SSTR1: variants seen among roughly 807,000 people sequenced by gnomAD.
SSTR1 encodes somatostatin receptor type 1.
In SSTR1, 10 loss-of-function variants were observed where a neutral mutation model predicts 20.7. That is an observed-to-expected ratio of 0.48 (90% CI 0.30 to 0.82). The LOEUF (loss-of-function observed/expected upper bound fraction) is 0.82, where lower values mean the gene tolerates loss of function less well. Among genes scored for constraint, SSTR1 ranks in the 40% least tolerant of loss-of-function variants. The pLI is 0.07. For synonymous variants in SSTR1, 267 were observed against 227.8 expected (o/e 1.17, Z -1.55); for missense variants, 494 against 540.0 (o/e 0.91, Z 0.84).
Position 38,209,993 on chromosome 14 carries a change from A to T in SSTR1, c.604A>T (p.Ser202Cys), listed in dbSNP as rs1460356191. The change falls in exon 3 of 3, where the codon AGC becomes TGC. Residue 202 changes from serine (S) to cysteine (C), a missense_variant. Transcript: ENST00000267377. ...GGTCTTCTCTCGCACCGCGGCCAAC[A>T]GCGACGGCACGGTGGCTTGCAACAT... is the stretch of plus-strand genomic sequence containing the variant. ...IVVFSRTAAN[S>C]DGTVACNMLM... 12 of 1,614,030 alleles carry T rather than the reference A, an allele frequency of 7.4e-6. No individual in the cohort carries two copies. The highest frequency in any genetic ancestry group is 1.0e-5 in the Non-Finnish European group (12 of 1,180,052).
Position 38,209,651 on chromosome 14 carries a change from A to G in SSTR1, c.262A>G (p.Lys88Glu), listed in dbSNP as rs1295514512. ...CATCTACGTGATCCTGCGCTATGCC[A>G]AGATGAAGACGGCCACCAACATCTA... Reference protein sequence around the residue: ...MVIYVILRYAKMKTATNIYIL... With the variant: ...MVIYVILRYAEMKTATNIYIL... The change falls in exon 3 of 3, where the codon AAG becomes GAG. Residue 88 changes from lysine (K) to glutamate (E), a missense_variant. Transcript: ENST00000267377. 1 of 1,613,924 alleles carries G rather than the reference A, an allele frequency of 6.2e-7. No individual in the cohort carries two copies. The highest frequency in any genetic ancestry group is 8.5e-7 in the Non-Finnish European group (1 of 1,180,008).
chr14:38,209,383 A>G lies in SSTR1; in HGVS notation c.-7A>G. 6.7e-7 allele frequency: 1 copy of G among 1,491,112 alleles called. No individual in the cohort carries two copies. The highest frequency in any genetic ancestry group is 8.9e-7 in the Non-Finnish European group (1 of 1,123,002). The allele number at this position is 1,491,112 out of a possible 1,614,324, so 92.4% of individuals were successfully genotyped here. A position where few individuals can be genotyped will look rare whatever the true frequency, so the allele number is the denominator to read the frequency against. ...CCTGGCAGCCCCACTGGCCCCCCTC[A>G]GCTGGGATGTTCCCCAATGGCACCG... On this transcript the variant is annotated 5_prime_UTR_variant, in exon 3 of 3. Coordinates refer to ENST00000267377, the MANE Select transcript of SSTR1 (RefSeq NM_001049.3).
At position 38,210,189 on chromosome 14, in the gene SSTR1, G is replaced by T; in HGVS notation, c.800G>T (p.Arg267Leu). Residue 267 changes from arginine to leucine, a missense_variant, in exon 3 of 3, where the codon CGC (arginine) becomes CTC (leucine). Transcript: ENST00000267377. Reference sequence around the variant, plus strand: ...TGGCAGCAGCGCAAGCGCTCGGAGCGCAAGATCACCTTAATGGTGATGATG... The same window carrying T: ...TGGCAGCAGCGCAAGCGCTCGGAGCTCAAGATCACCTTAATGGTGATGATG... ...AGWQQRKRSE[R>L]KITLMVMMVV... 6.2e-7 allele frequency: 1 copy of T among 1,614,252 alleles called. No homozygotes were observed. The highest frequency in any genetic ancestry group is 8.5e-7 in the Non-Finnish European group (1 of 1,180,058).
At position 38,209,248 on chromosome 14, in the gene SSTR1, C is replaced by T; in HGVS notation, c.-142C>T. The T allele has an allele frequency of 1.8e-6, 2 of 1,083,374 alleles. No individual in the cohort carries two copies. The highest frequency in any genetic ancestry group is 2.4e-6 in the Non-Finnish European group (2 of 827,368). 67.1% of individuals were successfully genotyped at this position (1,083,374 alleles called of 1,614,324 possible). On this transcript the variant is annotated 5_prime_UTR_variant, in exon 3 of 3. Coordinates refer to ENST00000267377, the MANE Select transcript of SSTR1 (RefSeq NM_001049.3). ...CGGCGCCGGTAGGAGCCGCGCTCCC[C>T]GCAGCGGTTGCGCTCTACCCGGAGG...
chr14:38,210,424 C>T lies in SSTR1; in HGVS notation c.1035C>T (p.Asn345=), dbSNP rs767718814. Residue 345 remains asparagine (N), a synonymous_variant, in exon 3 of 3, where the codon AAC becomes AAT. Coordinates refer to ENST00000267377, the MANE Select transcript of SSTR1 (RefSeq NM_001049.3). ...TCCTATGCCTCAGCTGGATGGACAA[C>T]GCCGCGGAGGAGCCGGTTGACTATT... The part of the protein sequence containing the change: ...QRILCLSWMD[N]AAEEPVDYYA... 2.2e-5 allele frequency: 36 copies of T among 1,614,232 alleles called. No homozygotes were observed. The highest frequency in any genetic ancestry group is 3.0e-5 in the Non-Finnish European group (35 of 1,180,044).
rs1566439129 is a variant in SSTR1 at position 38,210,502 on chromosome 14, G to C, written c.1113G>C (p.Glu371Asp). 1.9e-6 allele frequency: 3 copies of C among 1,612,558 alleles called. No homozygotes were observed. The highest frequency in any genetic ancestry group is 2.5e-6 in the Non-Finnish European group (3 of 1,179,434). Reference protein sequence around the residue: ...RAYSVEDFQPENLESGGVFRN... With the variant: ...RAYSVEDFQPDNLESGGVFRN... ...ACAGTGTGGAAGACTTCCAACCTGA[G>C]AACCTGGAGTCCGGCGGCGTCTTCC... is the stretch of plus-strand genomic sequence containing the variant. The change falls in exon 3 of 3, where the codon GAG becomes GAC. Residue 371 changes from glutamate (E) to aspartate (D), a missense_variant. Glu to Asp is a conservative substitution (Grantham distance 45). Around this residue, in one of 3 missense-constraint regions of SSTR1, gnomAD observed 280 missense variants for 286.1 expected, o/e 0.98. Coordinates refer to ENST00000267377, the MANE Select transcript of SSTR1 (RefSeq NM_001049.3).
Position 38,210,272 on chromosome 14 carries a change from G to C in SSTR1, c.883G>C (p.Val295Leu). Residue 295 changes from valine to leucine, a missense_variant, in exon 3 of 3, where the codon GTG becomes CTG. By Grantham distance (32) the Val-to-Leu change is conservative. Coordinates refer to ENST00000267377, the MANE Select transcript of SSTR1 (RefSeq NM_001049.3). ...MPFYVVQLVN[V>L]FAEQDDATVS... is the part of the protein sequence containing the mutation. ...TTTCTACGTGGTGCAGCTGGTCAAC[G>C]TGTTTGCTGAGCAGGACGACGCCAC... is the stretch of plus-strand genomic sequence containing the variant. 6.2e-7 allele frequency: 1 copy of C among 1,614,200 alleles called. No individual in the cohort carries two copies. Among genetic ancestry groups the C allele is most frequent in the Non-Finnish European group, 8.5e-7 (1 of 1,180,024 alleles).
chr14:38,210,299 G>A lies in SSTR1; in HGVS notation c.910G>A (p.Val304Met). 1 of 1,614,248 alleles carries A rather than the reference G, an allele frequency of 6.2e-7. No individual in the cohort carries two copies. Among genetic ancestry groups the A allele is most frequent in the Non-Finnish European group, 8.5e-7 (1 of 1,180,026 alleles). The stretch of plus-strand genomic sequence containing the variant: ...GTTTGCTGAGCAGGACGACGCCACG[G>A]TGAGTCAGCTGTCGGTCATCCTCGG... ...NVFAEQDDAT[V>M]SQLSVILGYA... Residue 304 changes from valine to methionine, a missense_variant, in exon 3 of 3, where the codon GTG becomes ATG. By Grantham distance (21) the Val-to-Met change is conservative. This residue lies in a region of SSTR1 where 280 missense variants were observed against 286.1 expected (regional missense o/e 0.98). Coordinates refer to ENST00000267377, the MANE Select transcript of SSTR1 (RefSeq NM_001049.3).
chr14:38,210,521 G>T lies in SSTR1; in HGVS notation c.1132G>T (p.Val378Phe). 1 of 1,600,348 alleles carries T rather than the reference G, an allele frequency of 6.2e-7. No individual in the cohort carries two copies. Among genetic ancestry groups the T allele is most frequent in the African/African-American group, 1.4e-5 (1 of 72,520 alleles). Residue 378 changes from valine to phenylalanine, a missense_variant, in exon 3 of 3, where the codon GTC becomes TTC. Physicochemically the swap from Val to Phe is conservative, Grantham distance 50. This residue lies in a region of SSTR1 where 280 missense variants were observed against 286.1 expected (regional missense o/e 0.98). Transcript: ENST00000267377. ...ACCTGAGAACCTGGAGTCCGGCGGC[G>T]TCTTCCGTAATGGCACCTGCACGTC... Reference protein sequence around the residue: ...FQPENLESGGVFRNGTCTSRI... With the variant: ...FQPENLESGGFFRNGTCTSRI...
rs1221491299 is a variant in SSTR1 at position 38,212,388 on chromosome 14, G to A, written c.*1823G>A. On this transcript the variant is annotated 3_prime_UTR_variant, in exon 3 of 3. Transcript: ENST00000267377. ...AGCTGAGGAATCTAATTCAGACAGA[G>A]ACTTTAATCACTGCTGAAGATGCCC... The A allele has an allele frequency of 6.0e-6, 1 of 167,040 alleles. No individual in the cohort carries two copies. The allele number at this position is 167,040 out of a possible 1,614,324, so 10.3% of individuals were successfully genotyped here.
In SSTR1 at chr14:38,211,001, T is replaced by C. The variant is rs1883318342; in HGVS notation, c.*436T>C. On this transcript the variant is annotated 3_prime_UTR_variant, in exon 3 of 3. Transcript: ENST00000267377. ...CTGTTTGTTTAAGCTGAGCCACGGA[T>C]ACCGCCACGGGTTTCCCTCGGCGTT... 5.7e-6 allele frequency: 1 copy of C among 174,014 alleles called. No individual in the cohort carries two copies. The highest frequency in any genetic ancestry group is 1.9e-4 in the South Asian group (1 of 5,284). The allele number at this position is 174,014 out of a possible 1,614,324, so 10.8% of individuals were successfully genotyped here.
rs955749618 is a variant in SSTR1, at chr14:38,211,047, C to T, written c.*482C>T. ...GCGTTAGTCCCTAGCCGCGCGGGGC[C>T]GCTGTCCAGGTTCTGTCTGGTGCCC... On this transcript the variant is annotated 3_prime_UTR_variant, in exon 3 of 3. Coordinates refer to ENST00000267377, the MANE Select transcript of SSTR1 (RefSeq NM_001049.3). The T allele has an allele frequency of 4.1e-5, 7 of 171,392 alleles. No individual in the cohort carries two copies. Among genetic ancestry groups the T allele is most frequent in the African/African-American group, 1.7e-4 (7 of 41,528 alleles). 10.6% of individuals were successfully genotyped at this position (171,392 alleles called of 1,614,324 possible). A position where few individuals can be genotyped will look rare whatever the true frequency, so the allele number is the denominator to read the frequency against.
chr14:38,210,600 C>G lies in SSTR1; in HGVS notation c.*35C>G. Reference sequence around the variant, plus strand: ...ACGCAGGGGCTCTGAGCCCGGGCCACGCAGGGGCCCTGAGCCAAAAGAGGG... The same window carrying G: ...ACGCAGGGGCTCTGAGCCCGGGCCAGGCAGGGGCCCTGAGCCAAAAGAGGG... On this transcript the variant is annotated 3_prime_UTR_variant, in exon 3 of 3. Coordinates refer to ENST00000267377, the MANE Select transcript of SSTR1 (RefSeq NM_001049.3). 1 of 1,530,914 alleles carries G rather than the reference C, an allele frequency of 6.5e-7. No homozygotes were observed. Among genetic ancestry groups the G allele is most frequent in the Non-Finnish European group, 8.7e-7 (1 of 1,143,792 alleles). 94.8% of individuals were successfully genotyped at this position (1,530,914 alleles called of 1,614,324 possible).
chr14:38,210,404 T>C lies in SSTR1; in HGVS notation c.1015T>C (p.Cys339Arg). The C allele has an allele frequency of 1.2e-6, 2 of 1,614,246 alleles. No homozygotes were observed. The highest frequency in any genetic ancestry group is 2.2e-5 in the South Asian group (2 of 91,086). ...NFKRSFQRIL[C>R]LSWMDNAAEE... Reference sequence around the variant, plus strand: ...CAAGCGCTCTTTCCAACGCATCCTATGCCTCAGCTGGATGGACAACGCCGC... The same window carrying C: ...CAAGCGCTCTTTCCAACGCATCCTACGCCTCAGCTGGATGGACAACGCCGC... The change falls in exon 3 of 3, where the codon TGC becomes CGC. Residue 339 changes from cysteine (C) to arginine (R), a missense_variant. By Grantham distance (180) the Cys-to-Arg change is radical. Transcript: ENST00000267377.
In SSTR1 at chr14:38,210,615, C is replaced by CCCGGG. The variant is rs748233191; in HGVS notation, c.*51_*52insCGGGC. On this transcript the variant is annotated 3_prime_UTR_variant, in exon 3 of 3. Transcript: ENST00000267377. Reference sequence around the variant, plus strand: ...GCCCGGGCCACGCAGGGGCCCTGAGCCAAAAGAGGGGGAGAATGAGAAGGG... The same window carrying CCCGGG: ...GCCCGGGCCACGCAGGGGCCCTGAGCCCGGGCAAAAGAGGGGGAGAATGAGAAGGG... The CCCGGG allele has an allele frequency of 3.6e-5, 54 of 1,517,946 alleles. No individual in the cohort carries two copies. The highest frequency in any genetic ancestry group is 3.5e-4 in the Admixed American group (15 of 43,050). The allele number at this position is 1,517,946 out of a possible 1,614,324, so 94.0% of individuals were successfully genotyped here.
In SSTR1 at chr14:38,209,659, G is replaced by A; in HGVS notation, c.270G>A (p.Lys90=). The change falls in exon 3 of 3, where the codon AAG becomes AAA. Residue 90 remains lysine, a synonymous_variant. Coordinates refer to ENST00000267377, the MANE Select transcript of SSTR1 (RefSeq NM_001049.3). ...TGATCCTGCGCTATGCCAAGATGAA[G>A]ACGGCCACCAACATCTACATCCTAA... ...IYVILRYAKM[K]TATNIYILNL... 6.2e-7 allele frequency: 1 copy of A among 1,614,098 alleles called. No individual in the cohort carries two copies. The highest frequency in any genetic ancestry group is 8.5e-7 in the Non-Finnish European group (1 of 1,180,026).
In SSTR1 at chr14:38,211,865, T is replaced by C. The variant is rs1400230641; in HGVS notation, c.*1300T>C. ...AATGTGTCTCTGCTTTCCTTTTCTC[T>C]GCTTGCCTAGCCCCAGGTCTTTTCT... is the stretch of plus-strand genomic sequence containing the variant. On this transcript the variant is annotated 3_prime_UTR_variant, in exon 3 of 3. Coordinates refer to ENST00000267377, the MANE Select transcript of SSTR1 (RefSeq NM_001049.3). 2 of 167,114 alleles carry C rather than the reference T, an allele frequency of 1.2e-5. No individual in the cohort carries two copies. Among genetic ancestry groups the C allele is most frequent in the African/African-American group, 4.8e-5 (2 of 41,470 alleles). 10.4% of individuals were successfully genotyped at this position (167,114 alleles called of 1,614,324 possible).
At position 38,210,451 on chromosome 14, in the gene SSTR1, C is replaced by G. The variant is rs373739120; in HGVS notation, c.1062C>G (p.Tyr354Ter). 1 of 1,613,974 alleles carries G rather than the reference C, an allele frequency of 6.2e-7. No individual in the cohort carries two copies. The highest frequency in any genetic ancestry group is 1.7e-5 in the Admixed American group (1 of 60,006). Reference sequence around the variant, plus strand: ...CCGCGGAGGAGCCGGTTGACTATTACGCCACCGCGCTCAAGAGCCGTGCCT... The same window carrying G: ...CCGCGGAGGAGCCGGTTGACTATTAGGCCACCGCGCTCAAGAGCCGTGCCT... ...DNAAEEPVDY[Y>*]ATALKSRAYS... Residue 354 changes from tyrosine to a stop codon, truncating the protein, a stop_gained, in exon 3 of 3, where the codon TAC (tyrosine) becomes TAG (stop). Coordinates refer to ENST00000267377, the MANE Select transcript of SSTR1 (RefSeq NM_001049.3). LOFTEE classifies it high-confidence loss of function.
rs1055383332 is a variant in SSTR1, at chr14:38,212,226, A to G, written c.*1661A>G. On this transcript the variant is annotated 3_prime_UTR_variant, in exon 3 of 3. Coordinates refer to ENST00000267377, the MANE Select transcript of SSTR1 (RefSeq NM_001049.3). ...TTTGAGTGTATATATATTTATATAT[A>G]TGATGTGGACATATGTATACTTATC... 1.2e-5 allele frequency: 2 copies of G among 166,928 alleles called. No individual in the cohort carries two copies. Among genetic ancestry groups the G allele is most frequent in the East Asian group, 1.9e-4 (1 of 5,192 alleles). 10.3% of individuals were successfully genotyped at this position (166,928 alleles called of 1,614,324 possible). A position where few individuals can be genotyped will look rare whatever the true frequency, so the allele number is the denominator to read the frequency against.
Sources: gnomAD v4.1 joint callset for allele counts on GRCh38, gnomAD v4.1.1 for gene constraint, gnomAD v4.1.1 regional missense constraint, MANE v1.5 for transcripts, NCBI Gene and HGNC (gene_info 2026-07-23, HGNC 2026-07-21) for gene names.